Variants in C4orf51 observed in about 807,000 individuals in gnomAD.
The protein encoded by C4orf51 is chromosome 4 open reading frame 51, also known as uncharacterized protein C4orf51.
C4orf51 carries 25 observed loss-of-function variants against 25.2 expected under a neutral mutation model. The observed-to-expected ratio is 0.99, with a 90% CI of 0.72 to 1.39. The LOEUF (loss-of-function observed/expected upper bound fraction) is 1.39, where lower values mean the gene tolerates loss of function less well. Ranked by LOEUF, C4orf51 falls within the 40% of genes most tolerant of loss-of-function variation. C4orf51 has a pLI of 0.00. For missense variants in C4orf51, 252 were observed against 239.6 expected (o/e 1.05, Z -0.34); for synonymous variants, 100 against 84.5 (o/e 1.18, Z -1.01).
At chr4:145,702,027 C>T (rs972241141) in intron 2 of C4orf51, among the ~76,000 whole-genome samples, 1 of 152,080 alleles carries the variant, frequency 6.6e-6, no homozygotes, top group African/African-American at 2.4e-5. Flanking sequence ...CAATCACATG[C>T]CCATTACCAT....
intron 2 of C4orf51, among the ~76,000 whole-genome samples, chr4:145,725,016 A>C (rs986293419): frequency 3.8e-4 from 57 of 151,832 alleles, no homozygotes; most frequent in African/African-American, 1.2e-3. Context: ...AACACAATAG[A>C]CTTTGTGGAC....
At chr4:145,756,028 C>T (rs746929785), downstream of C4orf51, among the ~76,000 whole-genome samples, 3 of 152,312 alleles carry the variant, frequency 2.0e-5, no homozygotes, top group African/African-American at 2.4e-5. Flanking sequence ...GGCTCTCCTT[C>T]GTCCCCACAG....
chr4:145,711,926 A>G (rs191695120), intron 2 of C4orf51, among the ~76,000 whole-genome samples: 90 of 151,446 alleles, frequency 5.9e-4, no homozygotes, highest in Non-Finnish European at 9.7e-4. Flanking sequence ...GTATGTATTC[A>G]CTTCTTGTCT....
intron 1 of C4orf51, among the ~76,000 whole-genome samples, chr4:145,750,245 A>G (rs1733598481): frequency 6.6e-6 from 1 of 151,272 alleles, no homozygotes; most frequent in African/African-American, 2.4e-5. Context: ...GATTTTTTTT[A>G]TTGCTCATTA....
chr4:145,731,642 C>T (rs1026253291), intron 5 of C4orf51, among the ~76,000 whole-genome samples: 6 of 118,856 alleles, frequency 5.0e-5, no homozygotes, highest in South Asian at 5.6e-4. Flanking sequence ...AGTGCAATGG[C>T]GTGATCTTGG....
chr4:145,783,430 A>G, the C4orf51 span, among the ~76,000 whole-genome samples: 1 of 152,222 alleles, frequency 6.6e-6, no homozygotes, highest in Non-Finnish European at 1.5e-5. Context: ...AACTGCTTTC[A>G]TGATTCTATT....
At chr4:145,769,950 A>T (rs1214327102) in intron 1 of C4orf51, among the ~76,000 whole-genome samples, 1 of 152,232 alleles carries the variant, frequency 6.6e-6, no homozygotes, top group Non-Finnish European at 1.5e-5. Context: ...TTTCATTCTT[A>T]ACAAAGTAAG....
chr4:145,681,241 A>T (rs1412949525), intron 1 of C4orf51, among the ~76,000 whole-genome samples: 3 of 152,204 alleles, frequency 2.0e-5, no homozygotes, highest in African/African-American at 7.2e-5. Context: ...ATTTTATCCA[A>T]ATTCTTGGAA....
intron 4 of C4orf51, among the ~76,000 whole-genome samples, 153 bp downstream of exon 4, chr4:145,729,382 A>G (rs1264168848): frequency 7.2e-6 from 1 of 139,432 alleles, no homozygotes; most frequent in Non-Finnish European, 1.5e-5. Flanking sequence ...GCTCACTGCA[A>G]GCTCTGCCTC....
At position 145,765,630 on chromosome 4, in the gene C4orf51, T is replaced by A; in HGVS notation, n.167-5358T>A. 6.2e-7 allele frequency: 1 copy of A among 1,614,112 alleles called. No individual in the cohort carries two copies. Among genetic ancestry groups the A allele is most frequent in the Non-Finnish European group, 8.5e-7 (1 of 1,180,010 alleles). On this transcript the variant is annotated intron_variant and non_coding_transcript_variant, in intron 1 of 1. Coordinates refer to the C4orf51 transcript ENST00000510096. This position sits in a 1 kb window ranked among gnomAD's most constrained non-coding sequence, Gnocchi z 4.7. ...GACCAGCAGATTGTTCCCGCCCTTG[T>A]TTTTCTGGGAGCCATCTGAATCATC...
chr4:145,762,906 G>A lies in C4orf51; in HGVS notation n.167-8082G>A, dbSNP rs925769178. Among the ~76,000 whole-genome samples the A allele has an allele frequency of 3.3e-5, 5 of 152,172 alleles. No homozygotes were observed. Among genetic ancestry groups the A allele is most frequent in the African/African-American group, 1.2e-4 (5 of 41,442 alleles). ...CAGGGCTCAGGAGTGGACTGTCCTC[G>A]GAGGGTCTGGAGAGGTGTTCAGCAG... On this transcript the variant is annotated intron_variant and non_coding_transcript_variant, in intron 1 of 1. Transcript: ENST00000510096. The surrounding 1 kb of genome is among the most constrained non-coding windows in gnomAD (Gnocchi z 4.9).
At chr4:145,748,950 A>G (rs1364680448) in intron 1 of C4orf51, among the ~76,000 whole-genome samples, 2 of 151,842 alleles carry the variant, frequency 1.3e-5, no homozygotes, top group African/African-American at 2.4e-5. Context: ...GATATATCCA[A>G]CGCTGAAGGT....
intron 1 of C4orf51, among the ~76,000 whole-genome samples, chr4:145,689,607 G>C (rs1729403991): frequency 6.6e-6 from 1 of 152,020 alleles, no homozygotes; most frequent in Admixed American, 6.6e-5. Flanking sequence ...AAACCACAAA[G>C]AGCTTATGCT....
At chr4:145,682,663 T>A (rs1728908998) in intron 1 of C4orf51, among the ~76,000 whole-genome samples, 1 of 152,222 alleles carries the variant, frequency 6.6e-6, no homozygotes, top group South Asian at 2.1e-4. Flanking sequence ...AAAGTCTTGA[T>A]CATTTGGTTC....
chr4:145,746,477 C>T (rs973285290), intron 1 of C4orf51, among the ~76,000 whole-genome samples: 1 of 152,010 alleles, frequency 6.6e-6, no homozygotes. Flanking sequence ...GACCATCTTT[C>T]CCCCCAAGGT....
At chr4:145,689,481 T>C (rs1455761113) in intron 1 of C4orf51, among the ~76,000 whole-genome samples, 2 of 151,658 alleles carry the variant, frequency 1.3e-5, no homozygotes, top group Non-Finnish European at 2.9e-5. Flanking sequence ...AAAACACAAC[T>C]CACTAGAAAA....
intron 3 of C4orf51, among the ~76,000 whole-genome samples, chr4:145,727,902 T>C (rs1306887807): frequency 5.9e-5 from 5 of 84,654 alleles, no homozygotes; most frequent in Non-Finnish European, 8.3e-5. Context: ...TGTGTATATA[T>C]ATATATATAT....
the C4orf51 span, among the ~76,000 whole-genome samples, chr4:145,784,852 T>C: frequency 6.6e-6 from 1 of 152,138 alleles, no homozygotes; most frequent in Non-Finnish European, 1.5e-5. Flanking sequence ...AATGGTAACC[T>C]CTTTTTTTGT....
At chr4:145,780,786 G>C in the C4orf51 span, among the ~76,000 whole-genome samples, 1 of 152,206 alleles carries the variant, frequency 6.6e-6, no homozygotes, top group African/African-American at 2.4e-5. Context: ...TTAATATCTT[G>C]TCTTTTACCT....
Sources: allele counts gnomAD v4.1 joint callset (sites outside exome capture counted in the v4.1 genomes callset), GRCh38; gene constraint gnomAD v4.1.1; non-coding constraint Gnocchi (gnomAD v3.1); transcripts MANE v1.5; gene names NCBI Gene and HGNC (gene_info 2026-07-23, HGNC 2026-07-21).